The following ELAPOR1 variants were observed in gnomAD, a reference collection of about 807,000 sequenced individuals.
The protein encoded by ELAPOR1 is endosome/lysosome-associated apoptosis and autophagy regulator 1.
In ELAPOR1, 77 loss-of-function variants were observed where a neutral mutation model predicts 119.7. The observed-to-expected ratio is 0.64, with a 90% confidence interval of 0.54 to 0.78. The LOEUF is 0.78. Ranked by LOEUF, ELAPOR1 falls within the 30% of genes least tolerant of loss-of-function variation. The pLI is 0.00. For synonymous variants in ELAPOR1, 481 were observed against 487.2 expected (o/e 0.99, Z 0.17); for missense variants, 1,115 against 1,270.4 (o/e 0.88, Z 1.86).
chr1:109,197,356 C>A, intron 15 of ELAPOR1, 118 bp from the exon 16 acceptor site: 1 of 824,842 alleles, frequency 1.2e-6, no homozygotes, highest in Non-Finnish European at 2.0e-6. Flanking sequence ...CATTCCCCTA[C>A]AACATACCAT....
intron 1 of ELAPOR1, among the ~76,000 whole-genome samples, chr1:109,130,870 A>C (rs1469829754): frequency 6.6e-6 from 1 of 152,178 alleles, no homozygotes; most frequent in Non-Finnish European, 1.5e-5. Flanking sequence ...GGACATGGTG[A>C]CGTAAATCTG....
intron 7 of ELAPOR1, among the ~76,000 whole-genome samples, chr1:109,182,917 G>A (rs1652786562): frequency 6.6e-6 from 1 of 151,556 alleles, no homozygotes; most frequent in African/African-American, 2.4e-5. Flanking sequence ...CTGCTTGCCA[G>A]GTAATATAAA....
intron 1 of ELAPOR1, among the ~76,000 whole-genome samples, chr1:109,116,795 A>G (rs776784867): frequency 1.3e-5 from 2 of 150,752 alleles, no homozygotes; most frequent in South Asian, 4.2e-4. Context: ...GGCTCAAGCA[A>G]TTCTCCTGCC....
At position 109,197,666 on chromosome 1, in the gene ELAPOR1, C is replaced by G. The variant is rs200767709; in HGVS notation, c.2302+12C>G. 9.3e-6 allele frequency: 15 copies of G among 1,610,062 alleles called. No individual in the cohort carries two copies. The highest frequency in any genetic ancestry group is 2.7e-5 in the African/African-American group (2 of 74,212). ...TGATCGACTTATTGGTGAGTAACTCCGCTGCCTCAGCCTTGTTTGAGAGTG... is the reference window on the plus strand; with the variant it reads ...TGATCGACTTATTGGTGAGTAACTCGGCTGCCTCAGCCTTGTTTGAGAGTG... On this transcript the variant is annotated intron_variant, in intron 16 of 21. Coordinates refer to ENST00000369939, the MANE Select transcript of ELAPOR1 (RefSeq NM_020775.5).
intron 12 of ELAPOR1, 90 bp downstream of exon 12, chr1:109,191,561 C>G (rs369672097): frequency 7.2e-5 from 99 of 1,372,914 alleles, no homozygotes; most frequent in Middle Eastern, 1.9e-4. Context: ...ACTGACACCC[C>G]CCCTTGTAGT....
intron 8 of ELAPOR1, among the ~76,000 whole-genome samples, chr1:109,185,358 T>C (rs1237519265): frequency 6.6e-6 from 1 of 152,186 alleles, no homozygotes; most frequent in African/African-American, 2.4e-5. Context: ...TCACTGTTTA[T>C]GCACATATGT....
chr1:109,133,110 G>T (rs556503379), intron 1 of ELAPOR1, among the ~76,000 whole-genome samples: 26 of 152,144 alleles, frequency 1.7e-4, no homozygotes, highest in African/African-American at 6.0e-4. Flanking sequence ...TATGTCTGTG[G>T]TCCCAGTAAC....
intron 7 of ELAPOR1, among the ~76,000 whole-genome samples, chr1:109,180,373 GGC>G (rs1652619396): frequency 6.6e-6 from 1 of 152,142 alleles, no homozygotes; most frequent in Non-Finnish European, 1.5e-5. Flanking sequence ...TGGGCACAGT[GGC>G]TATTGCTTGT....
At chr1:109,200,622 T>G in intron 20 of ELAPOR1, 113 bp from the exon 21 acceptor site, 1 of 968,928 alleles carries the variant, frequency 1.0e-6, no homozygotes, top group Non-Finnish European at 1.5e-6. Context: ...CATGCTTCAG[T>G]CTCCTTACCC....
intron 19 of ELAPOR1, 28 bp from the exon 20 acceptor site, chr1:109,200,031 C>T (rs747334489): frequency 3.1e-6 from 5 of 1,613,106 alleles, no homozygotes; most frequent in Non-Finnish European, 4.2e-6. Context: ...AATGGGAGAT[C>T]TGAGTTCCTT....
At chr1:109,169,940 C>T (rs1038244449) in intron 3 of ELAPOR1, among the ~76,000 whole-genome samples, 5 of 152,108 alleles carry the variant, frequency 3.3e-5, no homozygotes, top group African/African-American at 7.2e-5. Flanking sequence ...TGTCCATCAA[C>T]GAGTAATGCA....
intron 2 of ELAPOR1, among the ~76,000 whole-genome samples, chr1:109,163,937 C>A (rs908173719): frequency 2.6e-5 from 4 of 152,118 alleles, no homozygotes; most frequent in Non-Finnish European, 5.9e-5. Flanking sequence ...CACCAGAGAG[C>A]TCTCAGAATG....
chr1:109,189,977 A>T (rs949835715), intron 11 of ELAPOR1, among the ~76,000 whole-genome samples: 2 of 152,184 alleles, frequency 1.3e-5, no homozygotes, highest in African/African-American at 4.8e-5. Context: ...TTAGAAAAAA[A>T]ATAAAAATAA....
chr1:109,138,974 C>T (rs1424046177), intron 1 of ELAPOR1, among the ~76,000 whole-genome samples: 5 of 151,918 alleles, frequency 3.3e-5, no homozygotes, highest in Admixed American at 1.3e-4. Context: ...CAGAATGAAG[C>T]GTAAGTATCC....
At chr1:109,124,219 A>G (rs1215088874) in intron 1 of ELAPOR1, among the ~76,000 whole-genome samples, 4 of 151,902 alleles carry the variant, frequency 2.6e-5, no homozygotes, top group African/African-American at 4.8e-5. Context: ...ATAGGTCTAC[A>G]TCATCATTTT....
At chr1:109,141,441 T>G (rs1035495811) in intron 1 of ELAPOR1, among the ~76,000 whole-genome samples, 3 of 150,974 alleles carry the variant, frequency 2.0e-5, no homozygotes, top group Non-Finnish European at 4.4e-5. Flanking sequence ...TTTTGTATTT[T>G]TAGTAGAGAC....
intron 1 of ELAPOR1, among the ~76,000 whole-genome samples, chr1:109,121,144 A>AT (rs1198546975): frequency 4.0e-5 from 6 of 151,648 alleles, no homozygotes; most frequent in African/African-American, 7.3e-5. Flanking sequence ...TATTTCTTGA[A>AT]TTTTTTTTCA....
Position 109,114,148 on chromosome 1 carries a change from C to T in ELAPOR1, c.-36C>T, listed in dbSNP as rs1393370377. ...GCCAGCAGAAGCAGCAGCCGCAGCA[C>T]CTGAGCCGCTACTGCCGCTCACTCA... On this transcript the variant is annotated 5_prime_UTR_variant, in exon 1 of 22. Transcript: ENST00000369939. 2 of 1,508,610 alleles carry T rather than the reference C, an allele frequency of 1.3e-6. No homozygotes were observed. Among genetic ancestry groups the T allele is most frequent in the African/African-American group, 1.4e-5 (1 of 71,186 alleles). The allele number at this position is 1,508,610 out of a possible 1,614,324, so 93.5% of individuals were successfully genotyped here.
intron 3 of ELAPOR1, among the ~76,000 whole-genome samples, chr1:109,169,806 T>C (rs1651818160): frequency 6.6e-6 from 1 of 152,212 alleles, no homozygotes; most frequent in South Asian, 2.1e-4. Flanking sequence ...ACAGGAACAG[T>C]GTAGCAGTAG....
Sources: allele counts gnomAD v4.1 joint callset (sites outside exome capture counted in the v4.1 genomes callset), GRCh38; gene constraint gnomAD v4.1.1; transcripts MANE v1.5; gene names NCBI Gene and HGNC (gene_info 2026-07-23, HGNC 2026-07-21).